Variants in VWC2L observed in about 807,000 individuals in gnomAD.
VWC2L encodes the protein von Willebrand factor C domain-containing protein 2-like.
Under a neutral mutation model 21.6 loss-of-function variants are expected in VWC2L, and 10 were observed. That is an observed-to-expected ratio of 0.46 (90% CI 0.29 to 0.78). The LOEUF (loss-of-function observed/expected upper bound fraction) is 0.78, where lower values mean the gene tolerates loss of function less well. Among genes scored for constraint, VWC2L ranks in the 30% least tolerant of loss-of-function variants. The pLI is 0.10. For synonymous variants in VWC2L, 96 were observed against 94.3 expected, an observed-to-expected ratio of 1.02 and a Z score of -0.10; for missense variants, 209 against 277.1, an observed-to-expected ratio of 0.75 and a Z score of 1.74.
At chr2:214,554,683 A>T (rs976666550) in intron 3 of VWC2L, among the ~76,000 whole-genome samples, 1 of 152,130 alleles carries the variant, frequency 6.6e-6, no homozygotes, top group Non-Finnish European at 1.5e-5. Context: ...CAAACAAACA[A>T]AACAAAGCAA....
At chr2:214,423,620 C>T (rs780127996) in intron 2 of VWC2L, among the ~76,000 whole-genome samples, 1 of 151,928 alleles carries the variant, frequency 6.6e-6, no homozygotes, top group African/African-American at 2.4e-5. Context: ...TAGACAAGAA[C>T]AATAAAATAC....
chr2:214,412,965 C>G (rs2126167538), intron 1 of VWC2L, among the ~76,000 whole-genome samples: 1 of 152,142 alleles, frequency 6.6e-6, no homozygotes, highest in East Asian at 1.9e-4. Flanking sequence ...TCCCTAAAGT[C>G]ACAGTCTCCC....
intron 3 of VWC2L, among the ~76,000 whole-genome samples, chr2:214,527,415 G>T (rs1344416460): frequency 6.6e-6 from 1 of 152,012 alleles, no homozygotes; most frequent in Non-Finnish European, 1.5e-5. Flanking sequence ...AAAAATAAAA[G>T]AAGAAGAAAA....
At position 214,436,692 on chromosome 2, in the gene VWC2L, T is replaced by A; in HGVS notation, c.454T>A (p.Cys152Ser). The change falls in exon 3 of 4, where the codon TGC (cysteine) becomes AGC (serine). Residue 152 changes from cysteine to serine, a missense_variant. Cys to Ser is a moderately radical substitution (Grantham distance 112). Transcript: ENST00000312504. ...TGAAGTTCACTGTGTTGTAGCAGAC[T>A]GCGCAGTTCCTGAGTGTGTCAACCC... ...SNEVHCVVAD[C>S]AVPECVNPVY... 6.2e-7 allele frequency: 1 copy of A among 1,613,460 alleles called. No individual in the cohort carries two copies.
At chr2:214,571,464 A>G (rs549059082) in intron 3 of VWC2L, among the ~76,000 whole-genome samples, 1 of 152,348 alleles carries the variant, frequency 6.6e-6, no homozygotes, top group South Asian at 2.1e-4. Context: ...GTTTTCATTC[A>G]TTATCAAATA....
chr2:214,546,946 T>C (rs1689716287), intron 3 of VWC2L, among the ~76,000 whole-genome samples: 1 of 152,192 alleles, frequency 6.6e-6, no homozygotes, highest in Non-Finnish European at 1.5e-5. Flanking sequence ...CTACACTTAC[T>C]GACTCCTTCT....
chr2:214,554,151 T>A (rs1289618443), intron 3 of VWC2L, among the ~76,000 whole-genome samples: 1 of 152,128 alleles, frequency 6.6e-6, no homozygotes, highest in Non-Finnish European at 1.5e-5. Flanking sequence ...AGTCTTTATA[T>A]CCTCTAGGAA....
intron 3 of VWC2L, among the ~76,000 whole-genome samples, chr2:214,564,269 A>G (rs774010805): frequency 2.0e-5 from 3 of 152,230 alleles, no homozygotes; most frequent in Non-Finnish European, 4.4e-5. Context: ...ATTCAATGCT[A>G]TACCCATTAA....
intron 3 of VWC2L, among the ~76,000 whole-genome samples, chr2:214,479,444 A>G (rs1009447109): frequency 1.3e-5 from 2 of 152,204 alleles, no homozygotes; most frequent in African/African-American, 4.8e-5. Flanking sequence ...ATCAAAAAGA[A>G]GCAATCAAAA....
At chr2:214,497,372 G>A (rs1321189469) in intron 3 of VWC2L, among the ~76,000 whole-genome samples, 1 of 152,144 alleles carries the variant, frequency 6.6e-6, no homozygotes, top group Non-Finnish European at 1.5e-5. Flanking sequence ...GTTTGTAAAT[G>A]TTTATATTCA....
intron 3 of VWC2L, among the ~76,000 whole-genome samples, chr2:214,454,105 A>G (rs955755930): frequency 6.6e-6 from 1 of 152,028 alleles, no homozygotes; most frequent in Non-Finnish European, 1.5e-5. Flanking sequence ...ATTGATATTT[A>G]TATATTGCTC....
chr2:214,493,549 G>A (rs79576924), intron 3 of VWC2L, among the ~76,000 whole-genome samples: 3,388 of 152,148 alleles, frequency 0.022, 114 homozygotes, highest in African/African-American at 0.077. Context: ...ATGCATTTGT[G>A]TAGCAAAGGT....
intron 3 of VWC2L, among the ~76,000 whole-genome samples, chr2:214,546,171 G>A (rs551066747): frequency 2.6e-5 from 4 of 152,126 alleles, no homozygotes; most frequent in African/African-American, 4.8e-5. Flanking sequence ...CCCTAAAACA[G>A]TCTAGAGAGC....
intron 3 of VWC2L, among the ~76,000 whole-genome samples, chr2:214,539,588 C>T (rs1018956703): frequency 4.6e-5 from 7 of 152,120 alleles, no homozygotes; most frequent in Non-Finnish European, 7.4e-5. Flanking sequence ...TGAAAAACAA[C>T]GTTAACCTGA....
intron 3 of VWC2L, among the ~76,000 whole-genome samples, chr2:214,497,749 G>A (rs1415507091): frequency 1.3e-5 from 2 of 152,172 alleles, no homozygotes; most frequent in Non-Finnish European, 2.9e-5. Context: ...TGATGAATCA[G>A]AATCTCTGGG....
intron 3 of VWC2L, among the ~76,000 whole-genome samples, chr2:214,520,506 T>C (rs1004557689): frequency 2.6e-5 from 4 of 152,194 alleles, no homozygotes; most frequent in African/African-American, 9.7e-5. Context: ...ATTCACTTAT[T>C]TCCCGAGACT....
chr2:214,521,755 T>C (rs984028338), intron 3 of VWC2L, among the ~76,000 whole-genome samples: 2 of 152,194 alleles, frequency 1.3e-5, no homozygotes, highest in African/African-American at 4.8e-5. Context: ...CCATACCACA[T>C]GGGTAACTGC....
chr2:214,541,192 C>A (rs1017333033), intron 3 of VWC2L, among the ~76,000 whole-genome samples: 2 of 152,108 alleles, frequency 1.3e-5, no homozygotes, highest in Non-Finnish European at 2.9e-5. Flanking sequence ...ATTCAGCTAT[C>A]CCCAGTCAGG....
intron 3 of VWC2L, among the ~76,000 whole-genome samples, chr2:214,444,992 G>T (rs1427212072): frequency 1.3e-5 from 2 of 151,562 alleles, no homozygotes; most frequent in African/African-American, 4.8e-5. Flanking sequence ...GTTTCTAAAA[G>T]AAAAAATGTA....
Sources: gnomAD v4.1 joint callset for allele counts (sites outside exome capture counted in the v4.1 genomes callset) on GRCh38, gnomAD v4.1.1 for gene constraint, MANE v1.5 for transcripts, NCBI Gene and HGNC (gene_info 2026-07-23, HGNC 2026-07-21) for gene names.